HTR3B: variants seen among roughly 807,000 people sequenced by gnomAD.
HTR3B encodes the protein 5-hydroxytryptamine receptor 3B, also known as 5-hydroxytryptamine (serotonin) receptor 3B, ionotropic.
A neutral mutation model predicts 42.8 loss-of-function variants in HTR3B; 44 were observed. The observed-to-expected ratio is 1.03, with a 90% CI of 0.81 to 1.32. The LOEUF is 1.32. Ranked by LOEUF, HTR3B falls within the 40% of genes most tolerant of loss-of-function variation. The pLI is 0.00. For missense variants in HTR3B, 527 were observed against 536.5 expected (o/e 0.98, Z 0.17); for synonymous variants, 203 against 209.0 (o/e 0.97, Z 0.25).
In HTR3B at chr11:113,933,589, A is replaced by G. The variant is rs1395506634; in HGVS notation, c.696+496A>G. On this transcript the variant is annotated intron_variant, in intron 6 of 8. Coordinates refer to ENST00000260191, the MANE Select transcript of HTR3B (RefSeq NM_006028.5). The stretch of plus-strand genomic sequence containing the variant: ...TAAGGGATTAGCCAATAAGACCCAC[A>G]GAGACCACTGGTAGCTTCTGGATCA... 2.0e-5 allele frequency among the ~76,000 whole-genome samples: 3 copies of G among 152,206 alleles called. No individual in the cohort carries two copies. The East Asian group carries it at 5.8e-4, about 29-fold the overall frequency.
At position 113,931,812 on chromosome 11, in the gene HTR3B, G is replaced by A. The variant is rs553026575; in HGVS notation, c.313G>A (p.Glu105Lys). 9.6e-5 allele frequency: 155 copies of A among 1,612,912 alleles called. No individual in the cohort carries two copies. In the South Asian group the frequency reaches 1.6e-3, roughly 17 times the overall value. Residue 105 changes from glutamate to lysine, a missense_variant, in exon 4 of 9, where the codon GAG (glutamate) becomes AAG (lysine). By Grantham distance (56) the Glu-to-Lys change is moderately conservative (BLOSUM62 1). Transcript: ENST00000260191. ...WNSSMFDEIR[E>K]ISLPLSAIWA... is the part of the protein sequence containing the mutation. ...CTCCAGCATGTTTGATGAGATTAGA[G>A]AGATCTCCCTACCTCTAAGTGCCAT...
rs747810303 is a variant in HTR3B at position 113,934,410 on chromosome 11, A to AAAAG, written c.696+1332_696+1335dup. Among the ~76,000 whole-genome samples, 58 of 151,920 alleles carry AAAAG rather than the reference A, an allele frequency of 3.8e-4. 1 individual carries two copies. The highest frequency in any genetic ancestry group is 1.1e-3 in the African/African-American group (45 of 41,456). ...AAGAAGAAAGAAGGAAAGAAAGAAA[A>AAAAG]AAAGAAAGAAAGAAAGAAGGAAAGA... On this transcript the variant is annotated intron_variant, in intron 6 of 8. Transcript: ENST00000260191.
At chr11:113,908,870 TA>T (rs1292196085) in intron 1 of HTR3B, 1 of 194,828 alleles carries the variant, frequency 5.1e-6, no homozygotes, top group East Asian at 1.3e-4. Flanking sequence ...TTGATTTTTC[TA>T]TTGAATTTTT....
In HTR3B at chr11:113,947,787, A is replaced by G. The variant is rs558133851; in HGVS notation, c.*1650A>G. On this transcript the variant is annotated 3_prime_UTR_variant, in exon 9 of 9. Transcript: ENST00000260191. Reference sequence around the variant, plus strand: ...ATGAATTTTGGGGAGTGGGCAGCAGACAAAGGGGACATATTTCAGCCCATA... The same window carrying G: ...ATGAATTTTGGGGAGTGGGCAGCAGGCAAAGGGGACATATTTCAGCCCATA... Among the ~76,000 whole-genome samples the G allele has an allele frequency of 1.3e-5, 2 of 152,282 alleles. No homozygotes were observed. Among genetic ancestry groups the G allele is most frequent in the South Asian group, 4.1e-4 (2 of 4,824 alleles).
chr11:113,945,489 A>AT (rs1229579347), intron 8 of HTR3B, among the ~76,000 whole-genome samples: 1 of 152,184 alleles, frequency 6.6e-6, no homozygotes, highest in Admixed American at 6.5e-5. Context: ...TGACTGAGCC[A>AT]TTGATTTCAG....
chr11:113,912,509 C>T (rs1949806709), intron 2 of HTR3B, among the ~76,000 whole-genome samples: 1 of 152,214 alleles, frequency 6.6e-6, no homozygotes. Context: ...TCCCAAAGTG[C>T]TGGGATTACA....
intron 8 of HTR3B, among the ~76,000 whole-genome samples, chr11:113,945,425 C>T (rs1006333358): frequency 2.0e-5 from 3 of 152,156 alleles, no homozygotes; most frequent in South Asian, 2.1e-4. Flanking sequence ...GTGAGCCTAC[C>T]GCACCCAGCC....
intron 8 of HTR3B, among the ~76,000 whole-genome samples, chr11:113,945,007 G>A (rs1591590281): frequency 6.6e-6 from 1 of 152,228 alleles, no homozygotes; most frequent in Non-Finnish European, 1.5e-5. Flanking sequence ...GTTTTGCCAT[G>A]TTGCGCAGGC....
chr11:113,946,857 T>C lies in HTR3B; in HGVS notation c.*720T>C, dbSNP rs4936285. 0.2 allele frequency among the ~76,000 whole-genome samples: 30,126 copies of C among 152,140 alleles called. 3,248 individuals carry two copies. The highest frequency in any genetic ancestry group is 0.34 in the South Asian group (1,619 of 4,816). On this transcript the variant is annotated 3_prime_UTR_variant, in exon 9 of 9. Coordinates refer to ENST00000260191, the MANE Select transcript of HTR3B (RefSeq NM_006028.5). ...GTCACCCATTCAACAAAACCTTTAT[T>C]GAGTATTAAGTCCTAGGCATTATGT...
At chr11:113,943,603 G>A (rs1359165514) in intron 7 of HTR3B, among the ~76,000 whole-genome samples, 2 of 151,984 alleles carry the variant, frequency 1.3e-5, no homozygotes, top group Non-Finnish European at 2.9e-5. Context: ...CCAGAGTGCT[G>A]GGATTACAGG....
chr11:113,930,493 T>TC (rs1310874318), intron 2 of HTR3B, among the ~76,000 whole-genome samples: 29 of 141,388 alleles, frequency 2.1e-4, no homozygotes, highest in South Asian at 4.7e-4. Context: ...TTCTCTTTTT[T>TC]TTTTTTTTTT....
At chr11:113,907,479 A>T (rs1016770574) in intron 1 of HTR3B, among the ~76,000 whole-genome samples, 3 of 152,172 alleles carry the variant, frequency 2.0e-5, no homozygotes, top group Non-Finnish European at 4.4e-5. Flanking sequence ...TCTTAAACAA[A>T]GAACTCTTTC....
chr11:113,946,359 A>AATAC lies in HTR3B; in HGVS notation c.*225_*226insCATA, dbSNP rs1246343869. The AATAC allele has an allele frequency of 4.0e-6, 1 of 251,058 alleles. No individual in the cohort carries two copies. Among genetic ancestry groups the AATAC allele is most frequent in the Non-Finnish European group, 7.7e-6 (1 of 129,218 alleles). The allele number at this position is 251,058 out of a possible 1,614,324, so 15.6% of individuals were successfully genotyped here. A position where few individuals can be genotyped will look rare whatever the true frequency, so the allele number is the denominator to read the frequency against. On this transcript the variant is annotated 3_prime_UTR_variant, in exon 9 of 9. Transcript: ENST00000260191. ...CTACCAGTAAATAAATAAATAAATA[A>AATAC]ATAAATAAATAAATAAATAAATAGC...
chr11:113,931,412 G>A lies in HTR3B; in HGVS notation c.242G>A (p.Ser81Asn). 2.5e-6 allele frequency: 4 copies of A among 1,599,794 alleles called. No homozygotes were observed. Among genetic ancestry groups the A allele is most frequent in the East Asian group, 2.2e-5 (1 of 44,650 alleles). ...VDAENQILKT[S>N]VWYQEVWNDE... ...GCAGAGAATCAAATATTAAAGACAA[G>A]TGTATGGTACCAAGAGGTAAATAAT... The change falls in exon 3 of 9, where the codon AGT becomes AAT. Residue 81 changes from serine (S) to asparagine (N), a missense_variant. Physicochemically the swap from Ser to Asn is conservative, Grantham distance 46. Coordinates refer to ENST00000260191, the MANE Select transcript of HTR3B (RefSeq NM_006028.5).
At chr11:113,931,188 A>G (rs1413859568) in intron 2 of HTR3B, among the ~76,000 whole-genome samples, 196 bp from the exon 3 acceptor site, 1 of 151,550 alleles carries the variant, frequency 6.6e-6, no homozygotes, top group Non-Finnish European at 1.5e-5. Context: ...ATAATATAGT[A>G]AAGCTCATAG....
intron 3 of HTR3B, among the ~76,000 whole-genome samples, 164 bp from the exon 4 acceptor site, chr11:113,931,594 G>A (rs1296257202): frequency 6.6e-6 from 1 of 152,172 alleles, no homozygotes; most frequent in Non-Finnish European, 1.5e-5. Flanking sequence ...CTGGTTTCTG[G>A]TTGGGACTAC....
intron 2 of HTR3B, among the ~76,000 whole-genome samples, chr11:113,927,240 G>T (rs1949984486): frequency 6.6e-6 from 1 of 151,956 alleles, no homozygotes; most frequent in Non-Finnish European, 1.5e-5. Flanking sequence ...CTTTCATCTT[G>T]CAAAACTGAA....
Position 113,932,317 on chromosome 11 carries a change from C to A in HTR3B, c.397C>A (p.Pro133Thr). Reference protein sequence around the residue: ...FVDIERYPDLPYVYVNSSGTI... With the variant: ...FVDIERYPDLTYVYVNSSGTI... ...GGACATTGAAAGATACCCTGACCTT[C>A]CCTATGTTTATGTGAACTCATCTGG... Residue 133 changes from proline to threonine, a missense_variant, in exon 5 of 9, where the codon CCC becomes ACC. Pro to Thr is a conservative substitution (Grantham distance 38). Coordinates refer to ENST00000260191, the MANE Select transcript of HTR3B (RefSeq NM_006028.5). 6.2e-7 allele frequency: 1 copy of A among 1,613,348 alleles called. No individual in the cohort carries two copies. Among genetic ancestry groups the A allele is most frequent in the Non-Finnish European group, 8.5e-7 (1 of 1,179,412 alleles).
At position 113,905,002 on chromosome 11, in the gene HTR3B, A is replaced by G. The variant is rs753926490; in HGVS notation, c.52+17A>G. On this transcript the variant is annotated intron_variant, in intron 1 of 8. Transcript: ENST00000260191. The stretch of plus-strand genomic sequence containing the variant: ...TGGCTGCAGGTGAGTCCTTTTAATA[A>G]TTTTACTAGGCATTAAGGATTAACT... The G allele has an allele frequency of 1.9e-6, 3 of 1,572,314 alleles. No individual in the cohort carries two copies. The highest frequency in any genetic ancestry group is 2.6e-6 in the Non-Finnish European group (3 of 1,142,482).
Sources: gnomAD v4.1 joint callset for allele counts (sites outside exome capture counted in the v4.1 genomes callset) on GRCh38, gnomAD v4.1.1 for gene constraint, MANE v1.5 for transcripts, NCBI Gene and HGNC (gene_info 2026-07-23, HGNC 2026-07-21) for gene names.